Variants in AUTS2 observed in about 807,000 individuals in gnomAD.
The protein encoded by AUTS2 is autism susceptibility gene 2 protein.
A neutral mutation model predicts 112.4 loss-of-function variants in AUTS2; 17 were observed. The observed-to-expected ratio is 0.15, with a 90% CI of 0.10 to 0.23. AUTS2 has a LOEUF of 0.23. AUTS2 is among the 10% of genes least tolerant of loss of function. The pLI, the probability that AUTS2 is intolerant of heterozygous loss-of-function variation, is 1.00. For synonymous variants in AUTS2, 751 were observed against 702.7 expected (o/e 1.07, Z -1.09); for missense variants, 1,510 against 1,701.6 (o/e 0.89, Z 1.98).
chr7:70,170,750 G>C (rs570113020), intron 4 of AUTS2, among the ~76,000 whole-genome samples: 6 of 151,984 alleles, frequency 3.9e-5, no homozygotes, highest in Admixed American at 6.6e-5. Flanking sequence ...TGAGATTACA[G>C]GTGCCTGCCA....
chr7:69,599,902 A>G lies in AUTS2; in HGVS notation c.249A>G (p.Ala83=), dbSNP rs778436793. The change falls in exon 1 of 19, where the codon GCA becomes GCG. Residue 83 remains alanine (A), a synonymous_variant. Transcript: ENST00000342771. This position sits in a 1 kb window ranked among gnomAD's most constrained non-coding sequence, Gnocchi z 7.0. The stretch of plus-strand genomic sequence containing the variant: ...GGAAGCGGAGAGAGTCCACCTCGGC[A>G]GAAGAGGACATCATTGATGGATTTG... ...PRRKRRESTS[A]EEDIIDGFAM... is the part of the protein sequence containing the mutation. The G allele has an allele frequency of 3.7e-6, 6 of 1,613,526 alleles. No individual in the cohort carries two copies. Among genetic ancestry groups the G allele is most frequent in the Admixed American group, 1.7e-5 (1 of 60,034 alleles).
intron 2 of AUTS2, among the ~76,000 whole-genome samples, chr7:70,051,255 G>A (rs953114553): frequency 6.6e-6 from 1 of 152,164 alleles, no homozygotes. Context: ...TGACCTTACG[G>A]TGATGAAATG....
chr7:70,724,443 C>CTTTTT (rs71077675), intron 6 of AUTS2, among the ~76,000 whole-genome samples: 3 of 101,372 alleles, frequency 3.0e-5, no homozygotes, highest in Non-Finnish European at 3.9e-5. Context: ...TTCATCCTGA[C>CTTTTT]TTTTTTTTTT....
intron 4 of AUTS2, among the ~76,000 whole-genome samples, chr7:70,331,516 ATT>A (rs372805565): frequency 2.1e-5 from 3 of 140,776 alleles, no homozygotes; most frequent in African/African-American, 7.8e-5. Context: ...GGACTCATTG[ATT>A]TTTTTTTTTT....
chr7:69,672,416 T>C (rs926183480), intron 1 of AUTS2, among the ~76,000 whole-genome samples: 1 of 152,178 alleles, frequency 6.6e-6, no homozygotes, highest in African/African-American at 2.4e-5. Flanking sequence ...ATGAACTCTA[T>C]CTTGGATATA....
intron 4 of AUTS2, among the ~76,000 whole-genome samples, chr7:70,259,298 T>A (rs1462164462): frequency 6.6e-6 from 1 of 152,032 alleles, no homozygotes; most frequent in Non-Finnish European, 1.5e-5. Context: ...ATCTAGAGCT[T>A]GGCTTTTTTT....
chr7:70,625,367 A>C (rs565468072), intron 5 of AUTS2, among the ~76,000 whole-genome samples: 7 of 152,298 alleles, frequency 4.6e-5, no homozygotes, highest in African/African-American at 1.4e-4. Context: ...CAGCCGTTGA[A>C]GTTGCTGTTT....
At chr7:70,262,394 T>G (rs1787212921) in intron 4 of AUTS2, among the ~76,000 whole-genome samples, 2 of 152,180 alleles carry the variant, frequency 1.3e-5, no homozygotes, top group African/African-American at 4.8e-5. Flanking sequence ...TTCACCATGT[T>G]AGAAAGGCTT....
At chr7:70,137,422 G>T (rs1584777062) in intron 4 of AUTS2, among the ~76,000 whole-genome samples, 1 of 150,694 alleles carries the variant, frequency 6.6e-6, no homozygotes, top group Non-Finnish European at 1.5e-5. Flanking sequence ...TTCTTTTTTG[G>T]CAAGAGGACT....
intron 5 of AUTS2, among the ~76,000 whole-genome samples, chr7:70,602,547 A>G (rs1389428969): frequency 1.3e-5 from 2 of 152,244 alleles, no homozygotes; most frequent in Non-Finnish European, 2.9e-5. Flanking sequence ...TTGTAGTAAC[A>G]TATTCCAAAT....
At chr7:70,784,692 G>C in intron 15 of AUTS2, 1 of 514,482 alleles carries the variant, frequency 1.9e-6, no homozygotes, top group East Asian at 3.3e-5. Context: ...TTTTGGTGGT[G>C]GCCAGCCACG....
At chr7:69,996,502 A>G (rs1798947362) in intron 2 of AUTS2, among the ~76,000 whole-genome samples, 1 of 152,150 alleles carries the variant, frequency 6.6e-6, no homozygotes, top group South Asian at 2.1e-4. Flanking sequence ...TTAGTTCTTT[A>G]TCTTGAGACA....
intron 2 of AUTS2, among the ~76,000 whole-genome samples, chr7:70,100,952 A>C (rs1804455738): frequency 6.6e-6 from 1 of 152,074 alleles, no homozygotes; most frequent in Non-Finnish European, 1.5e-5. Flanking sequence ...ATCTCGGCTC[A>C]CTGCAACCTC....
intron 4 of AUTS2, among the ~76,000 whole-genome samples, chr7:70,414,821 A>G (rs1040587047): frequency 2.0e-5 from 3 of 152,166 alleles, no homozygotes; most frequent in Non-Finnish European, 4.4e-5. Context: ...GTGAATCTCC[A>G]GGGCTCAAAG....
chr7:70,428,350 G>A lies in AUTS2; in HGVS notation c.661-7402G>A, dbSNP rs1795516550. Among the ~76,000 whole-genome samples, 4 of 152,112 alleles carry A rather than the reference G, an allele frequency of 2.6e-5. No individual in the cohort carries two copies. In the South Asian group the frequency reaches 8.3e-4, roughly 32 times the overall value. Reference sequence around the variant, plus strand: ...CCATTTTTACATGAGCAAAGGATTGGGCAGCTGGGCAGGGGATGGTGAACG... The same window carrying A: ...CCATTTTTACATGAGCAAAGGATTGAGCAGCTGGGCAGGGGATGGTGAACG... On this transcript the variant is annotated intron_variant, in intron 4 of 18. Coordinates refer to ENST00000342771, the MANE Select transcript of AUTS2 (RefSeq NM_015570.4).
intron 1 of AUTS2, among the ~76,000 whole-genome samples, chr7:69,780,680 TA>T (rs1403346891): frequency 1.3e-5 from 2 of 152,172 alleles, no homozygotes; most frequent in African/African-American, 4.8e-5. Context: ...TGGTCTGTAT[TA>T]GAGTGTGGTG....
rs1190665290 is a variant in AUTS2 at position 70,513,972 on chromosome 7, A to G, written c.690+78191A>G. Among the ~76,000 whole-genome samples, 4 of 152,244 alleles carry G rather than the reference A, an allele frequency of 2.6e-5. No individual in the cohort carries two copies. The South Asian group carries it at 6.2e-4, about 24-fold the overall frequency. On this transcript the variant is annotated intron_variant, in intron 5 of 18. Coordinates refer to ENST00000342771, the MANE Select transcript of AUTS2 (RefSeq NM_015570.4). The stretch of plus-strand genomic sequence containing the variant: ...ACTGTGCCTGGCCCCTTTCTTTTAA[A>G]TCACCATAGGATTTATTAAATGAGC...
At chr7:69,614,791 C>T (rs1412314077) in intron 1 of AUTS2, among the ~76,000 whole-genome samples, 5 of 151,940 alleles carry the variant, frequency 3.3e-5, no homozygotes, top group Admixed American at 2.0e-4. Flanking sequence ...TCTGAGTGTC[C>T]GTATGAAGAG....
At chr7:70,491,303 C>T (rs921914269) in intron 5 of AUTS2, among the ~76,000 whole-genome samples, 1 of 151,830 alleles carries the variant, frequency 6.6e-6, no homozygotes. Flanking sequence ...TGATCCTGGG[C>T]AGGCTCCCTT....
Sources: allele counts gnomAD v4.1 joint callset (sites outside exome capture counted in the v4.1 genomes callset), GRCh38; gene constraint gnomAD v4.1.1; non-coding constraint Gnocchi (gnomAD v3.1); transcripts MANE v1.5; gene names NCBI Gene and HGNC (gene_info 2026-07-23, HGNC 2026-07-21).